The following CYFIP1 variants were observed in gnomAD, a reference collection of about 807,000 sequenced individuals.
CYFIP1 encodes cytoplasmic FMR1-interacting protein 1.
In CYFIP1, 58 loss-of-function variants were observed where a neutral mutation model predicts 163.5. That is an observed-to-expected ratio of 0.35 (90% confidence interval 0.29 to 0.44). CYFIP1 has a LOEUF of 0.44. Ranked by LOEUF, CYFIP1 falls within the 20% of genes least tolerant of loss-of-function variation. The pLI, the probability that CYFIP1 is intolerant of heterozygous loss-of-function variation, is 1.00. For synonymous variants in CYFIP1, 663 were observed against 660.7 expected (o/e 1.00, Z -0.05); for missense variants, 1,338 against 1,653.8 (o/e 0.81, Z 3.31).
chr15:22,910,915 CT>C (rs1566959586), intron 18 of CYFIP1, 102 bp from the exon 19 acceptor site: 1 of 1,029,326 alleles, frequency 9.7e-7, no homozygotes, highest in South Asian at 1.4e-5. Flanking sequence ...AACTGAGGCT[CT>C]TTTATTTTTT....
intron 22 of CYFIP1, among the ~76,000 whole-genome samples, chr15:22,901,005 T>A (rs570816415): frequency 6.6e-6 from 1 of 151,534 alleles, no homozygotes; most frequent in Non-Finnish European, 1.5e-5. Flanking sequence ...GAGTTTGAGA[T>A]CAGCCTGGCC....
chr15:22,936,295 T>C (rs1289755087), intron 9 of CYFIP1, among the ~76,000 whole-genome samples: 4 of 152,116 alleles, frequency 2.6e-5, no homozygotes, highest in African/African-American at 7.2e-5. Flanking sequence ...AAAGGACATG[T>C]ATCCAGAATA....
intron 12 of CYFIP1, 90 bp from the exon 13 acceptor site, chr15:22,926,197 G>T: frequency 6.4e-7 from 1 of 1,572,258 alleles, no homozygotes; most frequent in South Asian, 1.1e-5. Context: ...CCAAAGCCAG[G>T]CCAGCCTTCA....
At chr15:22,964,353 T>TCTCACACACACACA (rs1491543312) in intron 1 of CYFIP1, among the ~76,000 whole-genome samples, 2 of 78,698 alleles carry the variant, frequency 2.5e-5, no homozygotes, top group African/African-American at 5.1e-5. Context: ...ACCTCATCAC[T>TCTCACACACACACA]CACACACACA....
intron 13 of CYFIP1, among the ~76,000 whole-genome samples, chr15:22,920,159 C>CTTTTTTTTTTTTT (rs71117470): frequency 1.3e-5 from 1 of 75,520 alleles, no homozygotes; most frequent in African/African-American, 5.4e-5. Flanking sequence ...ATTAAGGCAG[C>CTTTTTTTTTTTTT]TTTTTTTTTT....
chr15:22,870,328 G>GTTT, intron 30 of CYFIP1, 136 bp from the exon 31 acceptor site: 1 of 1,018,468 alleles, frequency 9.8e-7, no homozygotes, highest in Non-Finnish European at 1.4e-6. Context: ...GTTCTTTTTG[G>GTTT]GTTTTTTTTT....
At chr15:22,871,039 C>T (rs2059420406) in intron 30 of CYFIP1, among the ~76,000 whole-genome samples, 1 of 152,174 alleles carries the variant, frequency 6.6e-6, no homozygotes, top group Admixed American at 6.5e-5. Context: ...GCAGCCCGGG[C>T]GTAAGCAAGC....
intron 22 of CYFIP1, 134 bp from the exon 23 acceptor site, chr15:22,893,111 C>T: frequency 1.5e-6 from 1 of 656,762 alleles, no homozygotes; most frequent in South Asian, 1.9e-5. Context: ...TAGGAAAATT[C>T]TAGTGAATCG....
intron 6 of CYFIP1, among the ~76,000 whole-genome samples, chr15:22,941,967 C>T (rs1595667699): frequency 6.6e-6 from 1 of 152,202 alleles, no homozygotes; most frequent in Admixed American, 6.5e-5. Flanking sequence ...GAGCCCACTC[C>T]GACCAGTGAG....
intron 12 of CYFIP1, 101 bp downstream of exon 12, chr15:22,927,805 T>C (rs2061404749): frequency 2.4e-6 from 3 of 1,252,712 alleles, no homozygotes; most frequent in Non-Finnish European, 2.1e-6. Flanking sequence ...TATTCTCGTC[T>C]TTCTAGGGCC....
chr15:22,952,658 T>TAAAAAAAAAAAAAAA (rs2062294109), intron 1 of CYFIP1, among the ~76,000 whole-genome samples: 1 of 1,846 alleles, frequency 5.4e-4, no homozygotes, highest in Non-Finnish European at 9.0e-4. Context: ...AGACTCCATC[T>TAAAAAAAAAAAAAAA]CAAAAAAAAA....
chr15:22,876,276 T>C (rs74616778), intron 26 of CYFIP1, among the ~76,000 whole-genome samples: 5,622 of 152,060 alleles, frequency 0.037, 395 homozygotes, highest in East Asian at 0.36. Flanking sequence ...TTTTCCGTAC[T>C]CATCAACGTC....
chr15:22,890,126 AC>A (rs1159578067), intron 23 of CYFIP1, among the ~76,000 whole-genome samples: 2 of 151,502 alleles, frequency 1.3e-5, no homozygotes, highest in African/African-American at 4.9e-5. Flanking sequence ...ACATGGTGAA[AC>A]CCCATCTCTA....
chr15:22,968,023 C>T (rs1278415102), intron 1 of CYFIP1, among the ~76,000 whole-genome samples: 2 of 152,042 alleles, frequency 1.3e-5, no homozygotes, highest in Non-Finnish European at 2.9e-5. Flanking sequence ...GTAATCCCAG[C>T]TACTCAAGAG....
intron 2 of CYFIP1, 33 bp from the exon 3 acceptor site, chr15:22,947,125 G>A (rs774000492): frequency 1.2e-6 from 2 of 1,614,058 alleles, no homozygotes; most frequent in Admixed American, 1.7e-5. Context: ...CATCATGTGG[G>A]GTCGGAGCAC....
chr15:22,925,913 G>A, intron 13 of CYFIP1, 69 bp downstream of exon 13: 1 of 1,584,858 alleles, frequency 6.3e-7, no homozygotes, highest in Non-Finnish European at 8.6e-7. Flanking sequence ...TCATGTTTTT[G>A]CTTTTGACAG....
chr15:22,929,826 C>G (rs1432696333), intron 11 of CYFIP1, among the ~76,000 whole-genome samples: 1 of 150,888 alleles, frequency 6.6e-6, no homozygotes, highest in Non-Finnish European at 1.5e-5. Flanking sequence ...GTCCCAGCTA[C>G]TCAGAAGGCT....
rs1406206919 is a variant in CYFIP1, at chr15:22,870,947, G to C, written c.3598-755C>G. ...ACACGCAAACAAAACGCTTTGAAAAGCTGGTTCTACCTATGCAGGTGGTAA... is the reference window on the plus strand; with the variant it reads ...ACACGCAAACAAAACGCTTTGAAAACCTGGTTCTACCTATGCAGGTGGTAA... On this transcript the variant is annotated intron_variant, in intron 30 of 30. Transcript: ENST00000617928. 5.3e-5 allele frequency among the ~76,000 whole-genome samples: 8 copies of C among 152,292 alleles called. No homozygotes were observed. The East Asian group carries it at 1.5e-3, about 29-fold the overall frequency.
At position 22,926,063 on chromosome 15, in the gene CYFIP1, C is replaced by G; in HGVS notation, c.1278G>C (p.Lys426Asn). 1.2e-6 allele frequency: 2 copies of G among 1,614,164 alleles called. No individual in the cohort carries two copies. Among genetic ancestry groups the G allele is most frequent in the Non-Finnish European group, 1.7e-6 (2 of 1,180,014 alleles). The change falls in exon 13 of 31, where the codon AAG (lysine) becomes AAC (asparagine). Residue 426 changes from lysine (K) to asparagine (N), a missense_variant. This residue lies in a region of CYFIP1 where 824 missense variants were observed against 995.7 expected (regional missense o/e 0.83). Coordinates refer to ENST00000617928, the MANE Select transcript of CYFIP1 (RefSeq NM_014608.6). Reference sequence around the variant, plus strand: ...ACTCTTCAGCGCTGTCGGGGCAGTCCTTGTTGGAGTACTTGTCGGTGGGGT... The same window carrying G: ...ACTCTTCAGCGCTGTCGGGGCAGTCGTTGTTGGAGTACTTGTCGGTGGGGT... ...LVHPTDKYSN[K>N]DCPDSAEEYE...
Sources: allele counts gnomAD v4.1 joint callset (sites outside exome capture counted in the v4.1 genomes callset), GRCh38; gene constraint gnomAD v4.1.1; regional missense constraint gnomAD v4.1.1; transcripts MANE v1.5; gene names NCBI Gene and HGNC (gene_info 2026-07-23, HGNC 2026-07-21).